CCBE1: variants seen among roughly 807,000 people sequenced by gnomAD.
The protein encoded by CCBE1 is collagen and calcium-binding EGF domain-containing protein 1.
In CCBE1, 37 loss-of-function variants were observed where a neutral mutation model predicts 50.0. The ratio of observed to expected loss-of-function variants is 0.74; its 90% CI spans 0.57 to 0.97. CCBE1 has a LOEUF of 0.97. CCBE1 is among the 50% of genes least tolerant of loss of function. The pLI is 0.00. For synonymous variants in CCBE1, 234 were observed against 203.7 expected, an observed-to-expected ratio of 1.15 and a Z score of -1.27; for missense variants, 538 against 523.8, an observed-to-expected ratio of 1.03 and a Z score of -0.26.
intron 2 of CCBE1, among the ~76,000 whole-genome samples, chr18:59,498,283 T>C (rs888425529): frequency 1.3e-5 from 2 of 152,192 alleles, no homozygotes; most frequent in East Asian, 1.9e-4. Flanking sequence ...ATTTGATAAA[T>C]TGATAAAATT....
At chr18:59,572,680 T>C (rs1355000602) in intron 2 of CCBE1, among the ~76,000 whole-genome samples, 1 of 152,210 alleles carries the variant, frequency 6.6e-6, no homozygotes, top group East Asian at 1.9e-4. Flanking sequence ...TAGAGATATG[T>C]TTGCTTAATA....
chr18:59,558,034 G>T (rs1053596145), intron 2 of CCBE1, among the ~76,000 whole-genome samples: 6 of 152,190 alleles, frequency 3.9e-5, no homozygotes, highest in African/African-American at 1.4e-4. Context: ...ACTCCCCGGA[G>T]GTGGAGCCGA....
At chr18:59,514,707 G>GC (rs764186572) in intron 2 of CCBE1, among the ~76,000 whole-genome samples, 18 of 145,202 alleles carry the variant, frequency 1.2e-4, no homozygotes, top group East Asian at 8.2e-4. Context: ...ACTTTAAAGA[G>GC]CAAACACTTC....
At chr18:59,462,948 C>T (rs1186434693) in intron 5 of CCBE1, among the ~76,000 whole-genome samples, 3 of 152,170 alleles carry the variant, frequency 2.0e-5, no homozygotes, top group Non-Finnish European at 4.4e-5. Flanking sequence ...TAAAATAGAT[C>T]CTCTAATATT....
intron 2 of CCBE1, among the ~76,000 whole-genome samples, chr18:59,641,802 G>A (rs989002280): frequency 6.6e-6 from 1 of 152,170 alleles, no homozygotes; most frequent in African/African-American, 2.4e-5. Flanking sequence ...GTGATGGCAT[G>A]GAAGGACAGA....
chr18:59,678,987 T>C (rs1488416478), intron 2 of CCBE1, among the ~76,000 whole-genome samples: 1 of 152,124 alleles, frequency 6.6e-6, no homozygotes, highest in Non-Finnish European at 1.5e-5. Flanking sequence ...ATAAATAAAA[T>C]GTTAGCTTCC....
intron 2 of CCBE1, among the ~76,000 whole-genome samples, chr18:59,613,625 C>A (rs978102791): frequency 1.3e-5 from 2 of 151,972 alleles, no homozygotes; most frequent in African/African-American, 4.8e-5. Flanking sequence ...AGAGGCCAGG[C>A]ACAGTGGCTC....
intron 2 of CCBE1, among the ~76,000 whole-genome samples, chr18:59,490,719 GC>G (rs1380160105): frequency 3.3e-5 from 5 of 152,200 alleles, no homozygotes; most frequent in Admixed American, 6.5e-5. Context: ...GTCACCTGGA[GC>G]CACCATATGG....
At chr18:59,643,754 A>G (rs1210984109) in intron 2 of CCBE1, among the ~76,000 whole-genome samples, 1 of 143,350 alleles carries the variant, frequency 7.0e-6, no homozygotes, top group Non-Finnish European at 1.5e-5. Flanking sequence ...CCGCAGGGGT[A>G]GACGTTGCAA....
At chr18:59,681,973 A>G (rs548927443) in intron 2 of CCBE1, among the ~76,000 whole-genome samples, 3 of 152,320 alleles carry the variant, frequency 2.0e-5, no homozygotes, top group Admixed American at 2.0e-4. Flanking sequence ...AAGGAACTCA[A>G]GCAAAGCCCC....
Position 59,697,227 on chromosome 18 carries a change from G to A in CCBE1, c.116C>T (p.Pro39Leu), listed in dbSNP as rs1481447742. ...CAGCGCTTACCTGTCGCCGTCCTCC[G>A]GCTCCTCTCTGTAGGTCCACGTGTG... The part of the protein sequence containing the change: ...LGHTWTYREE[P>L]EDGDREICSE... Residue 39 changes from proline to leucine, a missense_variant, in exon 1 of 11, where the codon CCG (proline) becomes CTG (leucine). Pro to Leu is a moderately conservative substitution (Grantham distance 98). Transcript: ENST00000439986. The A allele has an allele frequency of 3.9e-5, 60 of 1,548,824 alleles. No individual in the cohort carries two copies. Among genetic ancestry groups the A allele is most frequent in the Middle Eastern group, 1.9e-4 (1 of 5,206 alleles).
chr18:59,632,407 A>G (rs1043797793), intron 2 of CCBE1, among the ~76,000 whole-genome samples: 2 of 151,520 alleles, frequency 1.3e-5, no homozygotes, highest in African/African-American at 4.9e-5. Context: ...AGCCTCAGCT[A>G]GGATTACAGG....
chr18:59,563,182 G>A (rs2052768013), intron 2 of CCBE1, among the ~76,000 whole-genome samples: 1 of 152,174 alleles, frequency 6.6e-6, no homozygotes, highest in South Asian at 2.1e-4. Flanking sequence ...CATGGACTGA[G>A]CGAGAGACAC....
intron 2 of CCBE1, among the ~76,000 whole-genome samples, chr18:59,614,445 T>G (rs1486643903): frequency 1.3e-5 from 2 of 152,376 alleles, no homozygotes; most frequent in East Asian, 3.9e-4. Context: ...TAGCCACTAA[T>G]AAAACAATGG....
intron 2 of CCBE1, among the ~76,000 whole-genome samples, chr18:59,621,866 G>A (rs138380597): frequency 2.6e-5 from 4 of 152,174 alleles, no homozygotes; most frequent in Non-Finnish European, 4.4e-5. Flanking sequence ...AACTCCACTC[G>A]GGAGCCTGCT....
At chr18:59,610,541 A>G (rs932748675) in intron 2 of CCBE1, among the ~76,000 whole-genome samples, 1 of 152,184 alleles carries the variant, frequency 6.6e-6, no homozygotes, top group African/African-American at 2.4e-5. Context: ...AGAACAAAAA[A>G]AGATTCTGGA....
At chr18:59,581,281 A>C (rs2144509953) in intron 2 of CCBE1, among the ~76,000 whole-genome samples, 1 of 152,120 alleles carries the variant, frequency 6.6e-6, no homozygotes, top group South Asian at 2.1e-4. Context: ...TCTCTACTAA[A>C]AATACAAAAA....
chr18:59,655,186 G>A (rs769179557), intron 2 of CCBE1, among the ~76,000 whole-genome samples: 2 of 151,750 alleles, frequency 1.3e-5, no homozygotes, highest in Non-Finnish European at 2.9e-5. Flanking sequence ...TGAAGAACAA[G>A]AGGGCTTGAC....
rs375674582 is a variant in CCBE1 at position 59,696,670 on chromosome 18, G to A, written c.171C>T (p.Tyr57=). ...CSESKIATTK[Y]PCLKSSGELT... ...GCTCGCCTGAAGACTTCAGACACGG[G>A]TATTTAGTCGTCGCGATTTTGCTCT... The change falls in exon 2 of 11, where the codon TAC becomes TAT. Residue 57 remains tyrosine, a synonymous_variant. Coordinates refer to ENST00000439986, the MANE Select transcript of CCBE1 (RefSeq NM_133459.4). 150 of 1,613,972 alleles carry A rather than the reference G, an allele frequency of 9.3e-5. No homozygotes were observed. The highest frequency in any genetic ancestry group is 1.2e-4 in the Non-Finnish European group (143 of 1,179,976).
Sources: allele counts gnomAD v4.1 joint callset (sites outside exome capture counted in the v4.1 genomes callset), GRCh38; gene constraint gnomAD v4.1.1; transcripts MANE v1.5; gene names NCBI Gene and HGNC (gene_info 2026-07-23, HGNC 2026-07-21).